Variants in ERBB4 observed in about 807,000 individuals in gnomAD.
The protein encoded by ERBB4 is erb-b2 receptor tyrosine kinase 4.
In ERBB4, 42 loss-of-function variants were observed where a neutral mutation model predicts 158.0. The ratio of observed to expected loss-of-function variants is 0.27; its 90% CI spans 0.21 to 0.34. The LOEUF is 0.34. Among genes scored for constraint, ERBB4 ranks in the 10% least tolerant of loss-of-function variants. ERBB4 has a pLI of 1.00. For synonymous variants in ERBB4, 583 were observed against 558.7 expected (o/e 1.04, Z -0.61); for missense variants, 1,333 against 1,624.1 (o/e 0.82, Z 3.08).
At chr2:212,521,046 G>T (rs555347495) in intron 1 of ERBB4, among the ~76,000 whole-genome samples, 17 of 152,036 alleles carry the variant, frequency 1.1e-4, no homozygotes, top group Non-Finnish European at 2.4e-4. Flanking sequence ...GGATGATTCT[G>T]CTCTAGCATG....
chr2:212,359,994 G>T (rs1384839095), intron 1 of ERBB4, among the ~76,000 whole-genome samples: 1 of 151,514 alleles, frequency 6.6e-6, no homozygotes, highest in Admixed American at 6.6e-5. Context: ...TAAAAACATT[G>T]ATCAGAATCA....
At chr2:211,477,116 A>C (rs765209265) in intron 20 of ERBB4, among the ~76,000 whole-genome samples, 1 of 152,202 alleles carries the variant, frequency 6.6e-6, no homozygotes, top group Non-Finnish European at 1.5e-5. Context: ...GGTGGGCCTC[A>C]TTTAAGCAGT....
rs563518520 is a variant in ERBB4, at chr2:211,641,931, TA to T, written c.1947-11338del. Among the ~76,000 whole-genome samples, 184 of 10,266 alleles carry T rather than the reference TA, an allele frequency of 0.018. No homozygotes were observed. The South Asian group carries it at 0.26, about 14-fold the overall frequency. The allele number at this position is 10,266 out of a possible 152,430, so 6.7% of individuals were successfully genotyped here. On this transcript the variant is annotated intron_variant, in intron 16 of 27. Transcript: ENST00000342788. ...CCCATGAGGTTAGGACCATCATTTCTAATTTTTTTTTTTGTTTTATCACTCT... is the reference window on the plus strand; with the variant it reads ...CCCATGAGGTTAGGACCATCATTTCTATTTTTTTTTTTGTTTTATCACTCT...
intron 16 of ERBB4, among the ~76,000 whole-genome samples, chr2:211,638,632 A>G (rs2070449764): frequency 6.6e-6 from 1 of 152,102 alleles, no homozygotes; most frequent in African/African-American, 2.4e-5. Flanking sequence ...TTCCTAAGCA[A>G]ATTTGAATGT....
intron 5 of ERBB4, among the ~76,000 whole-genome samples, chr2:211,736,677 GC>G (rs1384824041): frequency 6.6e-6 from 1 of 152,082 alleles, no homozygotes; most frequent in Non-Finnish European, 1.5e-5. Flanking sequence ...AATACAGCCT[GC>G]CATAATGCCT....
In ERBB4 at chr2:212,117,927, A is replaced by C. The variant is rs573966508; in HGVS notation, c.234+6825T>G. ...TAGCTAGTATTTGAACAAACTATTCAGTAAATCATTTTCTAACTCAAAATA... is the reference window on the plus strand; with the variant it reads ...TAGCTAGTATTTGAACAAACTATTCCGTAAATCATTTTCTAACTCAAAATA... On this transcript the variant is annotated intron_variant, in intron 2 of 27. Transcript: ENST00000342788. Among the ~76,000 whole-genome samples the C allele has an allele frequency of 6.6e-5, 10 of 152,320 alleles. No individual in the cohort carries two copies. In the East Asian group the frequency reaches 1.9e-3, roughly 29 times the overall value.
chr2:211,995,563 C>A (rs1360242541), intron 2 of ERBB4, among the ~76,000 whole-genome samples: 2 of 152,136 alleles, frequency 1.3e-5, no homozygotes, highest in Non-Finnish European at 2.9e-5. Context: ...AGCCACTGTG[C>A]CCAGCCATGG....
intron 3 of ERBB4, among the ~76,000 whole-genome samples, chr2:211,931,514 T>C (rs1027119857): frequency 2.6e-5 from 4 of 152,014 alleles, no homozygotes; most frequent in African/African-American, 4.8e-5. Context: ...CCTCACTTGT[T>C]CTAAGCAGAA....
intron 3 of ERBB4, among the ~76,000 whole-genome samples, chr2:211,799,855 C>T (rs2076461573): frequency 1.3e-5 from 2 of 152,094 alleles, no homozygotes; most frequent in South Asian, 4.1e-4. Context: ...GATTTTTCTC[C>T]ATTTCCTGTC....
At chr2:211,568,387 A>AT (rs1410061884) in intron 19 of ERBB4, among the ~76,000 whole-genome samples, 1 of 152,146 alleles carries the variant, frequency 6.6e-6, no homozygotes, top group African/African-American at 2.4e-5. Context: ...AAGGGAAGAC[A>AT]TTTTTGTACA....
intron 1 of ERBB4, among the ~76,000 whole-genome samples, chr2:212,318,360 T>C (rs536291809): frequency 3.3e-5 from 5 of 151,684 alleles, no homozygotes; most frequent in South Asian, 2.1e-4. Context: ...TTTTGCAAAA[T>C]TAGGAACACA....
At chr2:211,644,194 T>C (rs982229610) in intron 16 of ERBB4, among the ~76,000 whole-genome samples, 2 of 152,022 alleles carry the variant, frequency 1.3e-5, no homozygotes, top group African/African-American at 4.8e-5. Context: ...TAAATTATGT[T>C]TTTAACTTAG....
At chr2:211,538,728 A>T (rs2066720433) in intron 20 of ERBB4, among the ~76,000 whole-genome samples, 1 of 151,896 alleles carries the variant, frequency 6.6e-6, no homozygotes, top group South Asian at 2.1e-4. Flanking sequence ...AAAGGCACTC[A>T]TAAAAAGATT....
In ERBB4 at chr2:211,788,183, A is replaced by T. The variant is rs376298746; in HGVS notation, c.422-24T>A. On this transcript the variant is annotated intron_variant, in intron 3 of 27. Transcript: ENST00000342788. ...TTCTGTATTAAAAAACAAATAAACA[A>T]ATTTTTTGTCAAACTGCTTGTTGAT... 970 of 1,594,786 alleles carry T rather than the reference A, an allele frequency of 6.1e-4. 1 individual carries two copies. Among genetic ancestry groups the T allele is most frequent in the Non-Finnish European group, 7.6e-4 (880 of 1,164,052 alleles).
chr2:212,419,341 CATATTAA>C (rs2091737940), intron 1 of ERBB4, among the ~76,000 whole-genome samples: 1 of 151,928 alleles, frequency 6.6e-6, no homozygotes, highest in Admixed American at 6.6e-5. Flanking sequence ...TGAAGACAAA[CATATTAA>C]ATAGGAAAAT....
intron 3 of ERBB4, among the ~76,000 whole-genome samples, chr2:211,894,588 C>T (rs1026502167): frequency 3.3e-5 from 5 of 152,088 alleles, no homozygotes; most frequent in African/African-American, 9.7e-5. Context: ...TCACTAAACT[C>T]ATTTCACAAA....
At chr2:211,593,012 C>CA (rs60165704) in intron 19 of ERBB4, among the ~76,000 whole-genome samples, 2,648 of 140,998 alleles carry the variant, frequency 0.019, 74 homozygotes, top group African/African-American at 0.053. Context: ...GACTCCATCT[C>CA]AAAAAAAAAA....
chr2:212,192,048 G>GTTATATA (rs2082279084), intron 1 of ERBB4, among the ~76,000 whole-genome samples: 2 of 32,864 alleles, frequency 6.1e-5, no homozygotes, highest in Non-Finnish European at 1.4e-4. Context: ...TTATATATAT[G>GTTATATA]TTATATGTTA....
At chr2:211,596,973 C>A (rs1392646075) in intron 19 of ERBB4, among the ~76,000 whole-genome samples, 1 of 152,084 alleles carries the variant, frequency 6.6e-6, no homozygotes, top group African/African-American at 2.4e-5. Context: ...GCCATGTTGG[C>A]CAGGCTGGTC....
Sources: gnomAD v4.1 joint callset for allele counts (sites outside exome capture counted in the v4.1 genomes callset) on GRCh38, gnomAD v4.1.1 for gene constraint, MANE v1.5 for transcripts, NCBI Gene and HGNC (gene_info 2026-07-23, HGNC 2026-07-21) for gene names.